Variants in PRH1 observed in about 807,000 individuals in gnomAD.
The protein encoded by PRH1 is proline rich protein HaeIII subfamily 1, also known as salivary acidic proline-rich phosphoprotein 1/2.
PRH1 carries 7 observed loss-of-function variants against 7.9 expected under a neutral mutation model. The ratio of observed to expected loss-of-function variants is 0.89; its 90% CI spans 0.50 to 1.67. The LOEUF (loss-of-function observed/expected upper bound fraction) is 1.67. Ranked by LOEUF, PRH1 falls within the 40% of genes most tolerant of loss-of-function variation. PRH1 has a pLI of 0.00. For synonymous variants in PRH1, 45 were observed against 80.8 expected, an observed-to-expected ratio of 0.56 and a Z score of 2.38; for missense variants, 109 against 223.6, an observed-to-expected ratio of 0.49 and a Z score of 3.27.
chr12:11,023,374 A>T (rs986258505), intron 1 of PRH1, among the ~76,000 whole-genome samples: 1 of 152,194 alleles, frequency 6.6e-6, no homozygotes, highest in Non-Finnish European at 1.5e-5. Context: ...ACAATGAATA[A>T]TATTTATCAA....
chr12:10,980,348 CCCTG>C (rs1939296104), intron 1 of PRH1, among the ~76,000 whole-genome samples: 1 of 151,892 alleles, frequency 6.6e-6, no homozygotes, highest in South Asian at 2.1e-4. Flanking sequence ...AATGATTATC[CCCTG>C]CCTATCAATC....
intron 1 of PRH1, among the ~76,000 whole-genome samples, chr12:10,987,484 C>G (rs1011699603): frequency 6.6e-6 from 1 of 151,874 alleles, no homozygotes; most frequent in Non-Finnish European, 1.5e-5. Context: ...TTGCTGCTAA[C>G]CCAATACTTT....
At chr12:10,885,297 A>G (rs1236560357), upstream of PRH1, among the ~76,000 whole-genome samples, 2 of 152,104 alleles carry the variant, frequency 1.3e-5, no homozygotes, top group East Asian at 3.8e-4. Context: ...TATCTGTAAT[A>G]TTCCAATACT....
chr12:10,991,608 T>G (rs1209501356), intron 1 of PRH1, among the ~76,000 whole-genome samples: 1 of 152,198 alleles, frequency 6.6e-6, no homozygotes, highest in South Asian at 2.1e-4. Context: ...AAATAACATA[T>G]ATGAATAATC....
intron 1 of PRH1, among the ~76,000 whole-genome samples, chr12:11,032,609 T>TC (rs1942273814): frequency 3.9e-5 from 6 of 152,204 alleles, no homozygotes; most frequent in Admixed American, 3.9e-4. Context: ...AGTCCTATTT[T>TC]CCCACTCAGG....
chr12:10,931,343 C>G (rs79855238), intron 2 of PRH1, among the ~76,000 whole-genome samples: 1 of 152,270 alleles, frequency 6.6e-6, no homozygotes, highest in African/African-American at 2.4e-5. Flanking sequence ...GAATCATGTT[C>G]TCCCTTTGGC....
rs1355463380 is a variant in PRH1 at position 11,088,605 on chromosome 12, C to A, written n.124-41417G>T. Among the ~76,000 whole-genome samples the A allele has an allele frequency of 1.8e-5, 2 of 109,674 alleles. 1 individual carries two copies. The highest frequency in any genetic ancestry group is 4.4e-4 in the East Asian group (2 of 4,546). 72.0% of individuals were successfully genotyped at this position (109,674 alleles called of 152,430 possible). ...AAATTTCCTATCACTACAAAAGAGA[C>A]CCAGTATTTTGGGGGCCTATTGGGA... On this transcript the variant is annotated intron_variant and non_coding_transcript_variant, in intron 1 of 4. Transcript: ENST00000541977.
Position 10,967,440 on chromosome 12 carries a change from G to C in PRH1, c.-59+6215C>G, listed in dbSNP as rs77337917. 1.6e-4 allele frequency among the ~76,000 whole-genome samples: 24 copies of C among 152,290 alleles called. No individual in the cohort carries two copies. The East Asian group carries it at 4.6e-3, about 29-fold the overall frequency. On this transcript the variant is annotated intron_variant, in intron 2 of 3. Transcript: ENST00000539853. ...ATGTAACCATCAAATAAGGCAAGAC[G>C]TGGAACATTGCAAAGAGCCTAGGTC...
At chr12:10,930,341 AT>A in intron 2 of PRH1, 1 of 1,597,824 alleles carries the variant, frequency 6.3e-7, no homozygotes, top group Non-Finnish European at 8.6e-7. Context: ...CTCTGTCTCC[AT>A]TTTTCCCTGA....
At chr12:11,050,269 T>C (rs1312653673), upstream of PRH1, among the ~76,000 whole-genome samples, 1 of 152,210 alleles carries the variant, frequency 6.6e-6, no homozygotes, top group East Asian at 1.9e-4. Context: ...CTATAGATTA[T>C]AGATTAACTG....
intron 1 of PRH1, among the ~76,000 whole-genome samples, chr12:11,142,493 G>C (rs1009465904): frequency 1.3e-5 from 2 of 152,080 alleles, no homozygotes; most frequent in African/African-American, 4.8e-5. Context: ...CATTACAGTA[G>C]ACAAAAAGAA....
At position 10,986,272 on chromosome 12, in the gene PRH1, T is replaced by C. The variant is rs933867377; in HGVS notation, c.-125-12551A>G. On this transcript the variant is annotated intron_variant, in intron 1 of 3. Coordinates refer to the PRH1 transcript ENST00000539853. Reference sequence around the variant, plus strand: ...TGTTTACACAGAGAACAGATTAGCATCAGAAAAGATATCAGGGACAGAGTA... The same window carrying C: ...TGTTTACACAGAGAACAGATTAGCACCAGAAAAGATATCAGGGACAGAGTA... 3.7e-6 allele frequency: 6 copies of C among 1,613,938 alleles called. No individual in the cohort carries two copies. The Admixed American group carries it at 5.0e-5, about 13-fold the overall frequency.
chr12:11,101,926 A>G (rs1252658574), intron 1 of PRH1, among the ~76,000 whole-genome samples: 1 of 152,176 alleles, frequency 6.6e-6, no homozygotes, highest in Non-Finnish European at 1.5e-5. Flanking sequence ...CCAAATCATG[A>G]GTGAACTCCC....
intron 2 of PRH1, among the ~76,000 whole-genome samples, chr12:10,963,372 G>A (rs536397341): frequency 2.6e-5 from 4 of 151,638 alleles, no homozygotes; most frequent in East Asian, 1.9e-4. Context: ...TGTCATAGAC[G>A]TCATTTTAGA....
chr12:11,169,481 C>G (rs2136482274), intron 1 of PRH1, among the ~76,000 whole-genome samples: 1 of 152,278 alleles, frequency 6.6e-6, no homozygotes, highest in South Asian at 2.1e-4. Context: ...TGGGTGGCTG[C>G]TATTTTCCCC....
chr12:10,973,469 A>G (rs970008059), intron 2 of PRH1: 4 of 447,406 alleles, frequency 8.9e-6, no homozygotes, highest in Non-Finnish European at 1.6e-5. Context: ...TTTTACAACT[A>G]CTATCAGCCT....
intron 1 of PRH1, among the ~76,000 whole-genome samples, chr12:11,157,051 T>C (rs980138594): frequency 7.9e-5 from 12 of 152,050 alleles, no homozygotes; most frequent in African/African-American, 2.9e-4. Context: ...TTTCACCATG[T>C]TAGCCAGGAT....
intron 1 of PRH1, among the ~76,000 whole-genome samples, chr12:11,126,863 A>G (rs150206387): frequency 2.0e-5 from 3 of 152,394 alleles, no homozygotes; most frequent in Non-Finnish European, 4.4e-5. Context: ...GAAATATCAA[A>G]ATAGTCTATA....
chr12:10,962,992 G>A (rs2135936208), intron 2 of PRH1, among the ~76,000 whole-genome samples: 1 of 152,294 alleles, frequency 6.6e-6, no homozygotes, highest in East Asian at 1.9e-4. Context: ...GGACGGTCTT[G>A]ATCTCCTGAC....
Sources: gnomAD v4.1 joint callset for allele counts (sites outside exome capture counted in the v4.1 genomes callset) on GRCh38, gnomAD v4.1.1 for gene constraint, MANE v1.5 for transcripts, NCBI Gene and HGNC (gene_info 2026-07-23, HGNC 2026-07-21) for gene names.